BANP: variants seen among roughly 807,000 people sequenced by gnomAD.
The protein encoded by BANP is protein BANP.
Under a neutral mutation model 68.1 loss-of-function variants are expected in BANP, and 11 were observed. The observed-to-expected ratio is 0.16, with a 90% CI of 0.10 to 0.27. The LOEUF is 0.27. Ranked by LOEUF, BANP falls within the 10% of genes least tolerant of loss-of-function variation. BANP has a pLI of 1.00. For synonymous variants in BANP, 329 were observed against 303.2 expected (o/e 1.09, Z -0.88); for missense variants, 504 against 722.7 (o/e 0.70, Z 3.47).
intron 5 of BANP, among the ~76,000 whole-genome samples, chr16:88,005,160 C>A (rs528930007): frequency 6.6e-6 from 1 of 152,136 alleles, no homozygotes; most frequent in African/African-American, 2.4e-5. Context: ...GGGTCTGATA[C>A]GTGGGGTGAA....
intron 6 of BANP, among the ~76,000 whole-genome samples, chr16:88,012,307 T>C (rs1162136922): frequency 6.6e-6 from 1 of 152,208 alleles, no homozygotes; most frequent in African/African-American, 2.4e-5. Context: ...AGAGTTGCTT[T>C]TGAAATTCAT....
At chr16:87,968,549 A>G (rs1295275496) in intron 1 of BANP, among the ~76,000 whole-genome samples, 1 of 151,926 alleles carries the variant, frequency 6.6e-6, no homozygotes, top group Admixed American at 6.6e-5. Context: ...CTTACTCTGG[A>G]AAAAAGAAGG....
At chr16:88,037,190 T>A (rs1439025476) in intron 10 of BANP, 1 of 152,220 alleles carries the variant, frequency 6.6e-6, no homozygotes, top group Non-Finnish European at 1.5e-5. Flanking sequence ...CTTTTTATAG[T>A]TTATGCTAAA....
chr16:87,989,820 AGGGC>A (rs1219022322), intron 4 of BANP, among the ~76,000 whole-genome samples: 8 of 97,720 alleles, frequency 8.2e-5, no homozygotes, highest in African/African-American at 1.3e-4. Context: ...CACAGGACAC[AGGGC>A]GGGTGATGGG....
At chr16:88,035,253 G>T (rs1254632938) in intron 9 of BANP, 70 bp from the exon 10 acceptor site, 10 of 1,325,614 alleles carry the variant, frequency 7.5e-6, no homozygotes, top group Non-Finnish European at 1.1e-5. Flanking sequence ...CAAACATTCC[G>T]GAAGATGTTT....
chr16:88,073,144 G>C lies in BANP; in HGVS notation c.1521+932G>C, dbSNP rs960834154. On this transcript the variant is annotated intron_variant, in intron 13 of 13. Transcript: ENST00000682872. ...TCGGGAAGAGAGGGGTCCTCCTCAG[G>C]AGGCGCTTGCTGAAGAAGTGGGCTC... is the stretch of plus-strand genomic sequence containing the variant. Among the ~76,000 whole-genome samples, 4 of 152,350 alleles carry C rather than the reference G, an allele frequency of 2.6e-5. No individual in the cohort carries two copies. In the South Asian group the frequency reaches 8.3e-4, roughly 32 times the overall value.
At chr16:87,968,501 A>AAG (rs1469399789) in intron 1 of BANP, among the ~76,000 whole-genome samples, 1 of 150,804 alleles carries the variant, frequency 6.6e-6, no homozygotes, top group Non-Finnish European at 1.5e-5. Flanking sequence ...AAAAAAAATA[A>AAG]GTTTAGTTTA....
At position 88,064,667 on chromosome 16, in the gene BANP, C is replaced by A. The variant is rs2087960311; in HGVS notation, c.1312-600C>A. Among the ~76,000 whole-genome samples the A allele has an allele frequency of 6.6e-6, 1 of 152,260 alleles. No homozygotes were observed. The highest frequency in any genetic ancestry group is 1.5e-5 in the Non-Finnish European group (1 of 68,040). ...CATGCCTTCCTCCCTTAAAAAACAA[C>A]AACGCTTTTGCCAGACACAAGAGGC... On this transcript the variant is annotated intron_variant, in intron 11 of 13. Coordinates refer to ENST00000682872, the MANE Select transcript of BANP (RefSeq NM_001386991.1). The surrounding 1 kb of genome is among the most constrained non-coding windows in gnomAD (Gnocchi z 4.5).
chr16:88,060,136 A>G (rs554073198), intron 11 of BANP, among the ~76,000 whole-genome samples: 8 of 152,350 alleles, frequency 5.3e-5, no homozygotes, highest in African/African-American at 1.9e-4. Context: ...GAAGTGTGCA[A>G]AGGTGCTCTT....
chr16:87,976,474 G>GTTGTTTT (rs547523394), intron 2 of BANP, among the ~76,000 whole-genome samples: 4 of 95,972 alleles, frequency 4.2e-5, no homozygotes, highest in African/African-American at 1.8e-4. Context: ...GTTTTAAAAA[G>GTTGTTTT]TTTTTTTTTT....
intron 3 of BANP, among the ~76,000 whole-genome samples, chr16:87,982,187 CAT>C (rs1267705481): frequency 6.6e-6 from 1 of 152,240 alleles, no homozygotes; most frequent in African/African-American, 2.4e-5. Context: ...ACAGAACACA[CAT>C]CTGTTGCACA....
At chr16:88,076,342 T>C (rs2091600488) in intron 13 of BANP, among the ~76,000 whole-genome samples, 1 of 115,214 alleles carries the variant, frequency 8.7e-6, no homozygotes, top group South Asian at 2.9e-4. Flanking sequence ...ACGGAGTCCA[T>C]GTCGGGGGCG....
intron 6 of BANP, among the ~76,000 whole-genome samples, chr16:88,008,803 G>C (rs2072083292): frequency 6.6e-6 from 1 of 152,214 alleles, no homozygotes; most frequent in South Asian, 2.1e-4. Flanking sequence ...CAGGTTGTTA[G>C]GATTGGGGTG....
intron 1 of BANP, among the ~76,000 whole-genome samples, chr16:87,955,849 G>A (rs1275054723): frequency 6.6e-6 from 1 of 152,298 alleles, no homozygotes; most frequent in East Asian, 1.9e-4. Context: ...GTCTCATCAT[G>A]AGAAAATGCT....
chr16:87,986,743 G>T (rs1285357319), intron 4 of BANP, among the ~76,000 whole-genome samples: 1 of 152,182 alleles, frequency 6.6e-6, no homozygotes, highest in African/African-American at 2.4e-5. Context: ...ATCATTCACA[G>T]ACCTGCGGTG....
chr16:88,056,618 T>C (rs2085106889), intron 11 of BANP, among the ~76,000 whole-genome samples: 1 of 152,242 alleles, frequency 6.6e-6, no homozygotes, highest in Non-Finnish European at 1.5e-5. Flanking sequence ...CTCCCACTGC[T>C]CTGGTCACGC....
chr16:88,037,908 G>T, intron 10 of BANP, 65 bp from the exon 11 acceptor site: 1 of 1,512,492 alleles, frequency 6.6e-7, no homozygotes, highest in Non-Finnish European at 9.2e-7. Flanking sequence ...TGGCGTGTTT[G>T]CCGTGTCTGA....
intron 7 of BANP, among the ~76,000 whole-genome samples, chr16:88,024,544 A>C (rs2076611793): frequency 6.6e-6 from 1 of 152,242 alleles, no homozygotes; most frequent in Non-Finnish European, 1.5e-5. Context: ...AAGGTAAAGG[A>C]ATCCGAGCCC....
chr16:88,047,768 A>G (rs1006584032), intron 11 of BANP, among the ~76,000 whole-genome samples: 5 of 152,230 alleles, frequency 3.3e-5, no homozygotes, highest in African/African-American at 1.2e-4. Context: ...TTAAAATACC[A>G]GTGAGCTAGG....
Sources: gnomAD v4.1 joint callset for allele counts (sites outside exome capture counted in the v4.1 genomes callset) on GRCh38, gnomAD v4.1.1 for gene constraint, Gnocchi (gnomAD v3.1) non-coding constraint, MANE v1.5 for transcripts, NCBI Gene and HGNC (gene_info 2026-07-23, HGNC 2026-07-21) for gene names.